Variants in ST6GALNAC5 observed in about 807,000 individuals in gnomAD.
ST6GALNAC5 encodes ST6 N-acetylgalactosaminide alpha-2,6-sialyltransferase 5, also known as alpha-N-acetylgalactosaminide alpha-2,6-sialyltransferase 5.
In ST6GALNAC5, 27 loss-of-function variants were observed where a neutral mutation model predicts 33.6. The ratio of observed to expected loss-of-function variants is 0.80; its 90% CI spans 0.59 to 1.11. The LOEUF (loss-of-function observed/expected upper bound fraction) is 1.11. Among genes scored for constraint, ST6GALNAC5 ranks in the 50% least tolerant of loss-of-function variants. ST6GALNAC5 has a pLI of 0.00. For synonymous variants in ST6GALNAC5, 194 were observed against 171.2 expected (o/e 1.13, Z -1.04); for missense variants, 428 against 454.0 (o/e 0.94, Z 0.52).
intron 2 of ST6GALNAC5, among the ~76,000 whole-genome samples, chr1:77,009,838 A>G (rs1255675947): frequency 6.6e-6 from 1 of 152,150 alleles, no homozygotes; most frequent in African/African-American, 2.4e-5. Flanking sequence ...TTCCTCTTTT[A>G]TGGAAAATAC....
At position 77,016,155 on chromosome 1, in the gene ST6GALNAC5, TTCC is replaced by T. The variant is rs1370014563; in HGVS notation, c.262-28048_262-28046del. ...TATCTCCTCCCTCCCCTCCTGTATC[TTCC>T]CCTCCTCCTCCTCCTGTCCTCCCCC... On this transcript the variant is annotated intron_variant, in intron 2 of 4. Transcript: ENST00000477717. Among the ~76,000 whole-genome samples the T allele has an allele frequency of 3.7e-3, 59 of 15,756 alleles. 11 individuals are homozygous for T. The highest frequency in any genetic ancestry group is 6.0e-3 in the Admixed American group (6 of 1,002). The allele number at this position is 15,756 out of a possible 152,430, so 10.3% of individuals were successfully genotyped here.
intron 2 of ST6GALNAC5, among the ~76,000 whole-genome samples, chr1:76,901,993 A>G (rs1394061133): frequency 6.6e-6 from 1 of 152,136 alleles, no homozygotes; most frequent in Non-Finnish European, 1.5e-5. Flanking sequence ...TCTGGATGAG[A>G]AAATGTTACT....
intron 2 of ST6GALNAC5, among the ~76,000 whole-genome samples, chr1:76,897,006 G>T (rs1654156664): frequency 6.6e-6 from 1 of 151,724 alleles, no homozygotes. Flanking sequence ...GTAAGGGATT[G>T]AGGTTTAGGG....
At chr1:76,944,321 G>T (rs1290936746) in intron 2 of ST6GALNAC5, among the ~76,000 whole-genome samples, 1 of 152,084 alleles carries the variant, frequency 6.6e-6, no homozygotes, top group African/African-American at 2.4e-5. Flanking sequence ...CTAGAGCCAA[G>T]AATGTGATAT....
chr1:77,016,433 A>G (rs1273378271), intron 2 of ST6GALNAC5, among the ~76,000 whole-genome samples: 1 of 151,850 alleles, frequency 6.6e-6, no homozygotes, highest in African/African-American at 2.4e-5. Flanking sequence ...TGCTATTTTG[A>G]AATTTTCCTT....
Position 76,868,814 on chromosome 1 carries a change from C to T in ST6GALNAC5, c.261+72C>T. 7.0e-7 allele frequency: 1 copy of T among 1,430,868 alleles called. No individual in the cohort carries two copies. Among genetic ancestry groups the T allele is most frequent in the South Asian group, 1.5e-5 (1 of 66,776 alleles). The allele number at this position is 1,430,868 out of a possible 1,614,324, so 88.6% of individuals were successfully genotyped here. A position where few individuals can be genotyped will look rare whatever the true frequency, so the allele number is the denominator to read the frequency against. On this transcript the variant is annotated intron_variant, in intron 2 of 4. Coordinates refer to ENST00000477717, the MANE Select transcript of ST6GALNAC5 (RefSeq NM_030965.3). The surrounding 1 kb of genome is among the most constrained non-coding windows in gnomAD (Gnocchi z 4.3). ...CGCACACCTGAGCCTTCCCCCTTTC[C>T]CGGGGCTGGGAGGCGCTGTGAGTAG...
chr1:76,980,312 G>A (rs1649198070), intron 2 of ST6GALNAC5, among the ~76,000 whole-genome samples: 1 of 151,942 alleles, frequency 6.6e-6, no homozygotes, highest in South Asian at 2.1e-4. Context: ...TTAACATTTA[G>A]GTGCTATTGA....
chr1:76,924,926 C>A (rs1647070698), intron 2 of ST6GALNAC5, among the ~76,000 whole-genome samples: 1 of 152,026 alleles, frequency 6.6e-6, no homozygotes, highest in East Asian at 1.9e-4. Context: ...TAAAGGAATA[C>A]CTGAGACTGG....
chr1:76,992,246 T>C (rs6704187), intron 2 of ST6GALNAC5, among the ~76,000 whole-genome samples: 123,232 of 151,708 alleles, frequency 0.81, 50,514 homozygotes, highest in East Asian at 0.93. Context: ...TTTAGCTCTA[T>C]GCTCTAACTA....
At position 76,962,655 on chromosome 1, in the gene ST6GALNAC5, C is replaced by T. The variant is rs530843017; in HGVS notation, c.262-81549C>T. Among the ~76,000 whole-genome samples the T allele has an allele frequency of 3.9e-5, 6 of 152,344 alleles. No individual in the cohort carries two copies. The East Asian group carries it at 5.8e-4, about 15-fold the overall frequency. ...GTGAATGAATTCTCTTTCACCCTCA[C>T]TCTCTGTCTCTGTCTAGTGCATGTG... On this transcript the variant is annotated intron_variant, in intron 2 of 4. Coordinates refer to ENST00000477717, the MANE Select transcript of ST6GALNAC5 (RefSeq NM_030965.3).
At chr1:76,909,416 C>T (rs1480425715) in intron 2 of ST6GALNAC5, among the ~76,000 whole-genome samples, 1 of 151,972 alleles carries the variant, frequency 6.6e-6, no homozygotes, top group East Asian at 1.9e-4. Flanking sequence ...TGAAGTATTA[C>T]ATAAAATATA....
chr1:76,936,653 C>T (rs1277627767), intron 2 of ST6GALNAC5, among the ~76,000 whole-genome samples: 1 of 151,994 alleles, frequency 6.6e-6, no homozygotes, highest in Non-Finnish European at 1.5e-5. Flanking sequence ...AGGGTCAACC[C>T]TTAATTTACA....
At chr1:76,978,436 A>C (rs1102452) in intron 2 of ST6GALNAC5, among the ~76,000 whole-genome samples, 17 of 152,074 alleles carry the variant, frequency 1.1e-4, no homozygotes, top group African/African-American at 4.1e-4. Flanking sequence ...CACCATGATC[A>C]ACTGATTCAT....
intron 2 of ST6GALNAC5, among the ~76,000 whole-genome samples, chr1:76,892,157 A>T (rs1448821084): frequency 6.6e-6 from 1 of 152,256 alleles, no homozygotes; most frequent in Non-Finnish European, 1.5e-5. Flanking sequence ...TCACACTTGC[A>T]GGAAGCTTGA....
At chr1:76,968,014 G>T (rs778844842) in intron 2 of ST6GALNAC5, among the ~76,000 whole-genome samples, 10 of 152,068 alleles carry the variant, frequency 6.6e-5, no homozygotes, top group Non-Finnish European at 1.0e-4. Flanking sequence ...ATGTGGTCAA[G>T]TTTGGAATAA....
At chr1:77,056,801 T>C (rs1011393059) in intron 4 of ST6GALNAC5, among the ~76,000 whole-genome samples, 1 of 152,172 alleles carries the variant, frequency 6.6e-6, no homozygotes, top group Non-Finnish European at 1.5e-5. Flanking sequence ...CCATGAACTG[T>C]GGGCAGCTGC....
intron 2 of ST6GALNAC5, among the ~76,000 whole-genome samples, chr1:77,030,017 C>T (rs1651393204): frequency 6.6e-6 from 1 of 152,180 alleles, no homozygotes; most frequent in African/African-American, 2.4e-5. Context: ...GGCTGAATGC[C>T]TCCTGAATTC....
intron 2 of ST6GALNAC5, among the ~76,000 whole-genome samples, chr1:76,886,305 CT>C (rs758019086): frequency 4.6e-5 from 7 of 151,658 alleles, no homozygotes; most frequent in African/African-American, 1.7e-4. Context: ...TTCTTAGTTC[CT>C]TTTTTTTGTA....
intron 2 of ST6GALNAC5, among the ~76,000 whole-genome samples, chr1:76,872,035 A>G (rs879671783): frequency 6.6e-6 from 1 of 150,470 alleles, no homozygotes; most frequent in Non-Finnish European, 1.5e-5. Flanking sequence ...AACCTTCTGC[A>G]TTTAGAACTG....
Sources: allele counts gnomAD v4.1 joint callset (sites outside exome capture counted in the v4.1 genomes callset), GRCh38; gene constraint gnomAD v4.1.1; non-coding constraint Gnocchi (gnomAD v3.1); transcripts MANE v1.5; gene names NCBI Gene and HGNC (gene_info 2026-07-23, HGNC 2026-07-21).